MAL2: variants seen among roughly 807,000 people sequenced by gnomAD.
The protein encoded by MAL2 is mal, T cell differentiation protein 2.
In MAL2, 17 loss-of-function variants were observed where a neutral mutation model predicts 18.1. That is an observed-to-expected ratio of 0.94 (90% CI 0.64 to 1.41). The LOEUF (loss-of-function observed/expected upper bound fraction) is 1.41. Among genes scored for constraint, MAL2 ranks in the 40% most tolerant of loss-of-function variants. The pLI, the probability that MAL2 is intolerant of heterozygous loss-of-function variation, is 0.00. For synonymous variants in MAL2, 102 were observed against 102.3 expected (o/e 1.00, Z 0.02); for missense variants, 222 against 231.9 (o/e 0.96, Z 0.28).
chr8:119,233,904 G>A (rs1037814857), intron 2 of MAL2, among the ~76,000 whole-genome samples: 8 of 152,158 alleles, frequency 5.3e-5, no homozygotes, highest in African/African-American at 1.9e-4. Flanking sequence ...TATCCTTGAT[G>A]AACATTGATG....
intron 2 of MAL2, among the ~76,000 whole-genome samples, chr8:119,239,548 A>C (rs1457597908): frequency 2.0e-5 from 3 of 152,022 alleles, no homozygotes; most frequent in African/African-American, 7.3e-5. Context: ...AGACTGGATT[A>C]AGAAAATGTG....
chr8:119,219,283 A>G (rs1817417473), intron 1 of MAL2, among the ~76,000 whole-genome samples: 1 of 152,216 alleles, frequency 6.6e-6, no homozygotes, highest in Admixed American at 6.5e-5. Flanking sequence ...TATGCTTTCA[A>G]AAATGTTTCT....
At chr8:119,240,356 C>T in intron 3 of MAL2, 36 bp downstream of exon 3, 5 of 1,599,914 alleles carry the variant, frequency 3.1e-6, no homozygotes, top group Non-Finnish European at 3.4e-6. Context: ...CATTCACCAG[C>T]ACTTCCGCTC....
At chr8:119,210,365 CT>C (rs1281918218) in intron 1 of MAL2, among the ~76,000 whole-genome samples, 1 of 152,104 alleles carries the variant, frequency 6.6e-6, no homozygotes. Flanking sequence ...AGGCCTAATT[CT>C]GGGGGAAAAG....
At chr8:119,231,706 GGATA>G (rs1398529499) in intron 2 of MAL2, among the ~76,000 whole-genome samples, 2 of 152,102 alleles carry the variant, frequency 1.3e-5, no homozygotes, top group African/African-American at 2.4e-5. Flanking sequence ...GTAGATGAAT[GGATA>G]AAGAAAATGC....
At chr8:119,210,389 C>G (rs755735349) in intron 1 of MAL2, among the ~76,000 whole-genome samples, 1 of 152,048 alleles carries the variant, frequency 6.6e-6, no homozygotes, top group Non-Finnish European at 1.5e-5. Context: ...TAGAAAGTGA[C>G]TTAGTCAATT....
chr8:119,225,261 C>T (rs1393201938), intron 2 of MAL2, among the ~76,000 whole-genome samples: 1 of 151,964 alleles, frequency 6.6e-6, no homozygotes, highest in Non-Finnish European at 1.5e-5. Context: ...CTAATGCTAT[C>T]CCTCCCCACT....
At chr8:119,230,032 C>T (rs1817683788) in intron 2 of MAL2, among the ~76,000 whole-genome samples, 1 of 152,156 alleles carries the variant, frequency 6.6e-6, no homozygotes, top group Admixed American at 6.5e-5. Flanking sequence ...GAGTTAGTGG[C>T]TTCCATGGAA....
intron 2 of MAL2, among the ~76,000 whole-genome samples, chr8:119,231,021 A>AATTTTTTTTTTTATTTTTT (rs1563774323): frequency 1.7e-4 from 25 of 145,650 alleles, no homozygotes; most frequent in Non-Finnish European, 3.1e-4. Context: ...ATGTGAGAAC[A>AATTTTTTTTTTTATTTTTT]GTTTTTTTTT....
At chr8:119,231,029 TTTTTA>T (rs1285059556) in intron 2 of MAL2, among the ~76,000 whole-genome samples, 2 of 152,074 alleles carry the variant, frequency 1.3e-5, no homozygotes, top group Non-Finnish European at 2.9e-5. Flanking sequence ...ACAGTTTTTT[TTTTTA>T]TTTTTTGTTT....
intron 2 of MAL2, among the ~76,000 whole-genome samples, chr8:119,239,359 CAGTG>C (rs1407458952): frequency 6.6e-6 from 1 of 151,856 alleles, no homozygotes. Flanking sequence ...TTGTGGAAGT[CAGTG>C]TGGCGATTCC....
At chr8:119,232,156 T>C (rs1563774891) in intron 2 of MAL2, among the ~76,000 whole-genome samples, 1 of 152,038 alleles carries the variant, frequency 6.6e-6, no homozygotes, top group African/African-American at 2.4e-5. Flanking sequence ...CATCCCACAA[T>C]GTATAAATAT....
chr8:119,233,607 C>T (rs1421933272), intron 2 of MAL2, among the ~76,000 whole-genome samples: 4 of 152,120 alleles, frequency 2.6e-5, no homozygotes, highest in Non-Finnish European at 4.4e-5. Flanking sequence ...ACACATACAC[C>T]CTCCCAAGAC....
At chr8:119,228,588 G>A (rs2129846062) in intron 2 of MAL2, among the ~76,000 whole-genome samples, 1 of 152,154 alleles carries the variant, frequency 6.6e-6, no homozygotes, top group Admixed American at 6.5e-5. Flanking sequence ...CAGCTTCTAG[G>A]TGGTGCAGTA....
chr8:119,233,899 T>TTGA (rs1175657667), intron 2 of MAL2, among the ~76,000 whole-genome samples: 1 of 152,132 alleles, frequency 6.6e-6, no homozygotes, highest in Non-Finnish European at 1.5e-5. Flanking sequence ...ACCAATATCC[T>TTGA]TGATGAACAT....
chr8:119,216,800 A>T (rs538975650), intron 1 of MAL2, among the ~76,000 whole-genome samples: 1 of 152,258 alleles, frequency 6.6e-6, no homozygotes, highest in South Asian at 2.1e-4. Flanking sequence ...TCCTGTTCTC[A>T]TTCCAAACAT....
chr8:119,220,443 C>T (rs1817444813), intron 1 of MAL2, among the ~76,000 whole-genome samples: 1 of 152,204 alleles, frequency 6.6e-6, no homozygotes, highest in Admixed American at 6.5e-5. Context: ...TCACCATCCA[C>T]CCTTTCCTCC....
intron 2 of MAL2, among the ~76,000 whole-genome samples, chr8:119,226,062 A>AAAAAATTTTCTCCCATTCT (rs1249016405): frequency 1.3e-5 from 2 of 151,982 alleles, no homozygotes; most frequent in Admixed American, 6.6e-5. Context: ...CCCATTCTGT[A>AAAAAATTTTCTCCCATTCT]AAAAATTTTC....
chr8:119,226,626 AAGGCAATTAAGAAAGTG>A (rs1817601744), intron 2 of MAL2, among the ~76,000 whole-genome samples: 1 of 31,850 alleles, frequency 3.1e-5, no homozygotes, highest in Non-Finnish European at 1.4e-4. Context: ...AGAGCACATG[AAGGCAATTAAGAAAGTG>A]AAGGCAATTA....
Sources: gnomAD v4.1 joint callset for allele counts (sites outside exome capture counted in the v4.1 genomes callset) on GRCh38, gnomAD v4.1.1 for gene constraint, MANE v1.5 for transcripts, NCBI Gene and HGNC (gene_info 2026-07-23, HGNC 2026-07-21) for gene names.